ROBO2: variants seen among roughly 807,000 people sequenced by gnomAD.
ROBO2 encodes the protein roundabout homolog 2.
In ROBO2, 53 loss-of-function variants were observed where a neutral mutation model predicts 160.8. The ratio of observed to expected loss-of-function variants is 0.33; its 90% CI spans 0.26 to 0.41. ROBO2 has a LOEUF of 0.41. Among genes scored for constraint, ROBO2 ranks in the 10% least tolerant of loss-of-function variants. ROBO2 has a pLI of 1.00. For missense variants in ROBO2, 1,577 were observed against 1,722.4 expected, an observed-to-expected ratio of 0.92 and a Z score of 1.49; for synonymous variants, 664 against 611.7, an observed-to-expected ratio of 1.09 and a Z score of -1.26.
chr3:76,816,085 A>T (rs1465296759), intron 2 of ROBO2, among the ~76,000 whole-genome samples: 1 of 152,106 alleles, frequency 6.6e-6, no homozygotes, highest in Non-Finnish European at 1.5e-5. Flanking sequence ...AGCAGAGAAG[A>T]TTTTAAATTG....
At chr3:77,268,820 A>G (rs988388465) in intron 2 of ROBO2, among the ~76,000 whole-genome samples, 1 of 152,212 alleles carries the variant, frequency 6.6e-6, no homozygotes, top group Non-Finnish European at 1.5e-5. Flanking sequence ...TAGATTTAGC[A>G]GCAATTTAGA....
At chr3:76,280,815 T>C (rs1708190683) in intron 2 of ROBO2, among the ~76,000 whole-genome samples, 1 of 152,026 alleles carries the variant, frequency 6.6e-6, no homozygotes. Flanking sequence ...CCTCAGTGTC[T>C]GGTTCAAAAT....
At chr3:77,227,880 C>T (rs201524301) in intron 2 of ROBO2, among the ~76,000 whole-genome samples, 8 of 152,208 alleles carry the variant, frequency 5.3e-5, no homozygotes, top group African/African-American at 1.7e-4. Flanking sequence ...TATTTTATGA[C>T]GCTATTACCT....
At chr3:76,346,963 G>T (rs921820389) in intron 2 of ROBO2, among the ~76,000 whole-genome samples, 1 of 152,208 alleles carries the variant, frequency 6.6e-6, no homozygotes. Flanking sequence ...ATAGATATAA[G>T]CACAGCTTGA....
At chr3:76,393,823 T>C (rs987918868) in intron 2 of ROBO2, among the ~76,000 whole-genome samples, 1 of 152,194 alleles carries the variant, frequency 6.6e-6, no homozygotes, top group Non-Finnish European at 1.5e-5. Flanking sequence ...TTATTCTTTT[T>C]CATGTAGTAA....
chr3:76,402,385 T>C (rs568443801), intron 2 of ROBO2, among the ~76,000 whole-genome samples: 1 of 151,666 alleles, frequency 6.6e-6, no homozygotes, highest in Admixed American at 6.6e-5. Flanking sequence ...GGCAGCTCTC[T>C]TCCTTGTGAA....
intron 1 of ROBO2, among the ~76,000 whole-genome samples, chr3:77,086,432 A>C (rs1408895120): frequency 6.6e-6 from 1 of 152,162 alleles, no homozygotes; most frequent in Non-Finnish European, 1.5e-5. Context: ...CATTTGAAAA[A>C]GAAATTTCAA....
At chr3:77,607,229 C>T (rs2153695763) in intron 20 of ROBO2, among the ~76,000 whole-genome samples, 1 of 152,160 alleles carries the variant, frequency 6.6e-6, no homozygotes, top group East Asian at 1.9e-4. Flanking sequence ...AATAATTGTG[C>T]CATTCATTAG....
rs540263841 is a variant in ROBO2 at position 77,601,706 on chromosome 3, A to ACAATAAGT, written c.2855-503_2855-496dup. Among the ~76,000 whole-genome samples the ACAATAAGT allele has an allele frequency of 3.3e-3, 499 of 152,338 alleles. 3 individuals carry two copies. Among genetic ancestry groups the ACAATAAGT allele is most frequent in the African/African-American group, 0.011 (461 of 41,574 alleles). On this transcript the variant is annotated intron_variant, in intron 19 of 25. Coordinates refer to ENST00000461745, the Ensembl canonical transcript of ROBO2. ...TCCTTTTCTGGAGCAATTAAATCAC[A>ACAATAAGT]CAATAAGTGGCAAGTTATAGCTTCA...
chr3:77,030,099 C>G (rs1048507857), intron 2 of ROBO2, among the ~76,000 whole-genome samples: 1 of 152,054 alleles, frequency 6.6e-6, no homozygotes, highest in Non-Finnish European at 1.5e-5. Flanking sequence ...CGCCCGCCAC[C>G]ACGCCCGGCT....
intron 2 of ROBO2, among the ~76,000 whole-genome samples, chr3:77,359,138 G>A (rs1162466201): frequency 6.6e-6 from 1 of 152,170 alleles, no homozygotes; most frequent in African/African-American, 2.4e-5. Context: ...AATGTTCTTT[G>A]ACAAAGATGC....
intron 2 of ROBO2, among the ~76,000 whole-genome samples, chr3:76,209,449 T>C (rs1227302649): frequency 6.6e-6 from 1 of 152,194 alleles, no homozygotes; most frequent in Non-Finnish European, 1.5e-5. Context: ...GTACATTATA[T>C]AAATATCGAA....
chr3:77,343,724 C>T (rs75075155), intron 2 of ROBO2, among the ~76,000 whole-genome samples: 1,564 of 152,192 alleles, frequency 0.01, 20 homozygotes, highest in Middle Eastern at 0.017. Context: ...TTAGAGACTT[C>T]TCAATAATGA....
intron 2 of ROBO2, among the ~76,000 whole-genome samples, chr3:76,816,990 A>T (rs1221274671): frequency 6.6e-6 from 1 of 152,104 alleles, no homozygotes; most frequent in Non-Finnish European, 1.5e-5. Context: ...CAAACGCCGC[A>T]TGTTCTCACT....
intron 2 of ROBO2, among the ~76,000 whole-genome samples, chr3:77,351,387 G>C (rs143769792): frequency 1.8e-4 from 27 of 152,266 alleles, no homozygotes; most frequent in African/African-American, 6.3e-4. Flanking sequence ...AGCCATTGAA[G>C]GTGAATAGAC....
At chr3:77,071,862 C>T (rs1413274981) in intron 1 of ROBO2, among the ~76,000 whole-genome samples, 1 of 152,124 alleles carries the variant, frequency 6.6e-6, no homozygotes, top group Non-Finnish European at 1.5e-5. Flanking sequence ...ATCCACCACT[C>T]TCATTCCTCA....
At chr3:76,599,221 T>C (rs191137184) in intron 2 of ROBO2, among the ~76,000 whole-genome samples, 19 of 152,266 alleles carry the variant, frequency 1.2e-4, no homozygotes, top group Admixed American at 3.3e-4. Flanking sequence ...TCTCTCCCTC[T>C]TCCTACTCTC....
intron 1 of ROBO2, among the ~76,000 whole-genome samples, chr3:77,074,987 C>T (rs547083019): frequency 1.3e-5 from 2 of 152,140 alleles, no homozygotes; most frequent in South Asian, 4.2e-4. Flanking sequence ...TTATATTTGT[C>T]GTATTACTTA....
intron 2 of ROBO2, among the ~76,000 whole-genome samples, chr3:77,388,170 AC>A (rs2074335505): frequency 6.6e-6 from 1 of 150,804 alleles, no homozygotes; most frequent in Non-Finnish European, 1.5e-5. Flanking sequence ...ACACACACAC[AC>A]AAGCAGTTTT....
Sources: allele counts gnomAD v4.1 joint callset (sites outside exome capture counted in the v4.1 genomes callset), GRCh38; gene constraint gnomAD v4.1.1; transcripts MANE v1.5; gene names NCBI Gene and HGNC (gene_info 2026-07-23, HGNC 2026-07-21).